WWOX: variants seen among roughly 807,000 people sequenced by gnomAD.
WWOX encodes the protein WW domain containing oxidoreductase, also known as WW domain-containing oxidoreductase.
A neutral mutation model predicts 46.2 loss-of-function variants in WWOX; 69 were observed. The observed-to-expected ratio is 1.49, with a 90% confidence interval of 1.23 to 1.82. The LOEUF (loss-of-function observed/expected upper bound fraction) is 1.82. WWOX is among the 40% of genes most tolerant of loss of function. The pLI is 0.00. For synonymous variants in WWOX, 359 were observed against 202.6 expected, an observed-to-expected ratio of 1.77 and a Z score of -6.56; for missense variants, 919 against 542.6, an observed-to-expected ratio of 1.69 and a Z score of -6.89.
intron 1 of WWOX, chr16:78,100,190 A>T: frequency 8.1e-7 from 1 of 1,227,634 alleles, no homozygotes; most frequent in Non-Finnish European, 1.0e-6. Context: ...AAGATGTTTT[A>T]AAAAGCGCAC....
intron 8 of WWOX, among the ~76,000 whole-genome samples, chr16:79,073,149 CGTTATTATT>C (rs1361856528): frequency 3.2e-5 from 3 of 92,606 alleles, no homozygotes; most frequent in Admixed American, 1.4e-4. Context: ...AGTAGTTATT[CGTTATTATT>C]ATTATTATTA....
intron 5 of WWOX, among the ~76,000 whole-genome samples, chr16:78,215,279 G>T (rs1229579643): frequency 6.6e-6 from 1 of 152,144 alleles, no homozygotes; most frequent in Non-Finnish European, 1.5e-5. Flanking sequence ...TGATTGGTAT[G>T]GTTTGGCTGT....
chr16:78,807,506 A>C (rs2051073801), intron 8 of WWOX, among the ~76,000 whole-genome samples: 1 of 152,238 alleles, frequency 6.6e-6, no homozygotes, highest in Admixed American at 6.5e-5. Flanking sequence ...GGTTTATTTT[A>C]AATGTTTTTG....
At chr16:78,633,614 T>C (rs892885389) in intron 8 of WWOX, among the ~76,000 whole-genome samples, 3 of 152,178 alleles carry the variant, frequency 2.0e-5, no homozygotes, top group African/African-American at 7.2e-5. Context: ...ACTACAAAGG[T>C]CTCCTCCTTT....
intron 8 of WWOX, among the ~76,000 whole-genome samples, chr16:78,837,381 G>C (rs2052018279): frequency 6.6e-6 from 1 of 152,116 alleles, no homozygotes. Flanking sequence ...TCTGTGTTTT[G>C]TGTCATTCTG....
chr16:78,368,484 G>A (rs971209081), intron 5 of WWOX, among the ~76,000 whole-genome samples: 1 of 152,136 alleles, frequency 6.6e-6, no homozygotes, highest in African/African-American at 2.4e-5. Context: ...TGTGGTAAAA[G>A]CTCTGGGCCA....
intron 8 of WWOX, among the ~76,000 whole-genome samples, chr16:78,493,081 A>G (rs76204634): frequency 0.011 from 1,720 of 152,288 alleles, 31 homozygotes; most frequent in African/African-American, 0.04. Context: ...CCCCCTGTAC[A>G]GCACACAACT....
chr16:79,000,290 A>T (rs543920554), intron 8 of WWOX, among the ~76,000 whole-genome samples: 15 of 152,300 alleles, frequency 9.8e-5, no homozygotes, highest in African/African-American at 2.6e-4. Flanking sequence ...AGACAGAGTA[A>T]TGAGCCCCGA....
intron 5 of WWOX, among the ~76,000 whole-genome samples, chr16:78,270,889 G>T (rs2079463509): frequency 6.6e-6 from 1 of 152,062 alleles, no homozygotes; most frequent in African/African-American, 2.4e-5. Flanking sequence ...GAAGATGAAG[G>T]TACTTAACTA....
At chr16:78,777,056 T>G (rs911108365) in intron 8 of WWOX, among the ~76,000 whole-genome samples, 1 of 152,192 alleles carries the variant, frequency 6.6e-6, no homozygotes, top group Non-Finnish European at 1.5e-5. Context: ...TTAGGATAAA[T>G]GTGATGAAAA....
At chr16:78,550,762 AC>A (rs372672030) in intron 8 of WWOX, 126 of 152,208 alleles carry the variant, frequency 8.3e-4, no homozygotes, top group African/African-American at 3.0e-3. Flanking sequence ...TGGAGATGAT[AC>A]GCTTTTCCAT....
chr16:78,775,009 G>T (rs1260460760), intron 8 of WWOX, among the ~76,000 whole-genome samples: 1 of 152,188 alleles, frequency 6.6e-6, no homozygotes, highest in African/African-American at 2.4e-5. Flanking sequence ...AGGTAGGTAA[G>T]TTGGGCAGAT....
At chr16:78,530,050 C>T (rs186820218) in intron 8 of WWOX, among the ~76,000 whole-genome samples, 9 of 152,234 alleles carry the variant, frequency 5.9e-5, no homozygotes, top group East Asian at 5.8e-4. Flanking sequence ...CTCACTTGAA[C>T]CCCCTGCACT....
chr16:79,197,679 G>A (rs1030486193), intron 8 of WWOX, among the ~76,000 whole-genome samples: 13 of 152,140 alleles, frequency 8.5e-5, no homozygotes, highest in African/African-American at 2.9e-4. Context: ...GTTCTGTAAT[G>A]ACATGAAAAA....
intron 7 of WWOX, among the ~76,000 whole-genome samples, chr16:78,426,399 C>G (rs548378416): frequency 6.6e-6 from 1 of 152,268 alleles, no homozygotes; most frequent in South Asian, 2.1e-4. Flanking sequence ...TGCTCACTCT[C>G]CTTGTAAATC....
At chr16:78,689,786 C>A (rs765324969) in intron 8 of WWOX, among the ~76,000 whole-genome samples, 2 of 152,150 alleles carry the variant, frequency 1.3e-5, no homozygotes, top group African/African-American at 2.4e-5. Flanking sequence ...ACAGCCTTGA[C>A]CCCTGTTGAA....
At chr16:78,789,841 A>C (rs748612228) in intron 8 of WWOX, among the ~76,000 whole-genome samples, 3 of 152,198 alleles carry the variant, frequency 2.0e-5, no homozygotes, top group Non-Finnish European at 4.4e-5. Flanking sequence ...TATTTTCGTT[A>C]ATTCCTGTGA....
intron 8 of WWOX, among the ~76,000 whole-genome samples, chr16:78,862,102 C>T (rs923472837): frequency 6.6e-6 from 1 of 151,758 alleles, no homozygotes; most frequent in Non-Finnish European, 1.5e-5. Context: ...GTGTCTGTAT[C>T]TATACACACA....
intron 8 of WWOX, among the ~76,000 whole-genome samples, chr16:78,810,954 C>T (rs2051173185): frequency 7.3e-6 from 1 of 137,130 alleles, no homozygotes; most frequent in South Asian, 2.3e-4. Flanking sequence ...GCTGGGGATT[C>T]CGTGGCCAGA....
Sources: gnomAD v4.1 joint callset for allele counts (sites outside exome capture counted in the v4.1 genomes callset) on GRCh38, gnomAD v4.1.1 for gene constraint, MANE v1.5 for transcripts, NCBI Gene and HGNC (gene_info 2026-07-23, HGNC 2026-07-21) for gene names.